Variants in GYG1 observed in about 807,000 individuals in gnomAD.
GYG1 encodes the protein glycogenin-1.
A neutral mutation model predicts 41.9 loss-of-function variants in GYG1; 44 were observed. The ratio of observed to expected loss-of-function variants is 1.05; its 90% CI spans 0.83 to 1.35. The LOEUF (loss-of-function observed/expected upper bound fraction) is 1.35, where lower values mean the gene tolerates loss of function less well. Among genes scored for constraint, GYG1 ranks in the 40% most tolerant of loss-of-function variants. The pLI is 0.00. For missense variants in GYG1, 429 were observed against 418.9 expected (o/e 1.02, Z -0.21); for synonymous variants, 141 against 158.1 (o/e 0.89, Z 0.81).
intron 4 of GYG1, among the ~76,000 whole-genome samples, chr3:149,007,803 C>T (rs956901131): frequency 2.6e-5 from 4 of 152,304 alleles, no homozygotes; most frequent in Admixed American, 2.0e-4. Context: ...CATACACACT[C>T]GCACATATGC....
chr3:149,023,567 T>C (rs1043298128), intron 5 of GYG1, among the ~76,000 whole-genome samples: 1 of 152,186 alleles, frequency 6.6e-6, no homozygotes, highest in Non-Finnish European at 1.5e-5. Flanking sequence ...CCACAATGGA[T>C]TGGTGCTTCA....
At chr3:149,005,166 A>G (rs1713319908) in intron 4 of GYG1, among the ~76,000 whole-genome samples, 1 of 152,164 alleles carries the variant, frequency 6.6e-6, no homozygotes, top group African/African-American at 2.4e-5. Flanking sequence ...TATCCTTTAT[A>G]ACCTACACAT....
chr3:149,008,465 A>G (rs1713533270), intron 4 of GYG1, among the ~76,000 whole-genome samples: 2 of 152,134 alleles, frequency 1.3e-5, no homozygotes, highest in Admixed American at 6.6e-5. Flanking sequence ...TCTGCCTGGG[A>G]CACGGTCCCC....
rs995357525 is a variant in GYG1, at chr3:149,012,047, A to G, written c.608+2645A>G. Among the ~76,000 whole-genome samples, 6 of 152,154 alleles carry G rather than the reference A, an allele frequency of 3.9e-5. 1 individual carries two copies. Among genetic ancestry groups the G allele is most frequent in the South Asian group, 4.1e-4 (2 of 4,822 alleles). ...TTTTCCCTTCCCTCTGCCAGAAAAT[A>G]TATTTGCTTTTCTTGTGGAGACCCA... On this transcript the variant is annotated intron_variant, in intron 5 of 7. Transcript: ENST00000345003.
chr3:148,991,691 T>G, intron 1 of GYG1, 44 bp downstream of exon 1: 3 of 1,446,092 alleles, frequency 2.1e-6, no homozygotes, highest in Non-Finnish European at 2.8e-6. Context: ...GGACCCCGGC[T>G]TCCTGCCCAG....
chr3:149,014,513 G>A (rs141705891), intron 5 of GYG1, among the ~76,000 whole-genome samples: 3,555 of 151,226 alleles, frequency 0.024, 61 homozygotes, highest in Middle Eastern at 0.045. Flanking sequence ...GGAGGCCAAG[G>A]AGGGTGGATC....
intron 4 of GYG1, chr3:149,008,338 C>T (rs933663476): frequency 2.6e-5 from 4 of 152,666 alleles, no homozygotes; most frequent in African/African-American, 9.6e-5. Flanking sequence ...CTGAGACTCA[C>T]CTGGTGCCAT....
rs542995078 is a variant in GYG1 at position 149,028,867 on chromosome 3, C to T, written c.*1934C>T. Among the ~76,000 whole-genome samples the T allele has an allele frequency of 5.6e-4, 85 of 152,046 alleles. No homozygotes were observed. The highest frequency in any genetic ancestry group is 1.9e-3 in the African/African-American group (77 of 41,488). Reference sequence around the variant, plus strand: ...TCCTGAGTAGCTGGGACTACAGGCACGCACCACCACGCCCAGCTAAATTTT... The same window carrying T: ...TCCTGAGTAGCTGGGACTACAGGCATGCACCACCACGCCCAGCTAAATTTT... On this transcript the variant is annotated 3_prime_UTR_variant, in exon 8 of 8. Coordinates refer to ENST00000345003, the MANE Select transcript of GYG1 (RefSeq NM_004130.4).
At chr3:149,008,012 G>C (rs1713499781) in intron 4 of GYG1, 1 of 152,228 alleles carries the variant, frequency 6.6e-6, no homozygotes, top group African/African-American at 2.4e-5. Flanking sequence ...TGAAGTCCAG[G>C]AGCCCCAAGG....
At chr3:149,001,242 T>G (rs1713079489) in intron 4 of GYG1, 1 of 152,208 alleles carries the variant, frequency 6.6e-6, no homozygotes, top group Admixed American at 6.5e-5. Flanking sequence ...AGCACTAGGC[T>G]GCCTGTTCTA....
chr3:149,015,351 A>G (rs1713962047), intron 5 of GYG1, among the ~76,000 whole-genome samples: 1 of 152,222 alleles, frequency 6.6e-6, no homozygotes, highest in South Asian at 2.1e-4. Flanking sequence ...TAGTCACGAG[A>G]CAAGATGATG....
chr3:148,992,321 CCTTCCGTG>C (rs1176173211), intron 1 of GYG1: 2 of 152,578 alleles, frequency 1.3e-5, no homozygotes, highest in African/African-American at 4.8e-5. Flanking sequence ...GTTAGCTGGT[CCTTCCGTG>C]TCATTGAGGC....
At chr3:148,996,193 A>G (rs550699868) in intron 2 of GYG1, 109 bp from the exon 3 acceptor site, 5 of 825,920 alleles carry the variant, frequency 6.1e-6, no homozygotes, top group East Asian at 4.8e-5. Context: ...AAAGCAATAC[A>G]TTGTTCTAGT....
Position 148,994,186 on chromosome 3 carries a change from G to C in GYG1, c.52G>C (p.Gly18Arg). Residue 18 changes from glycine (G) to arginine (R), a missense_variant, in exon 2 of 8, where the codon GGT (glycine) becomes CGT (arginine). Transcript: ENST00000345003. Reference protein sequence around the residue: ...TLTTNDAYAKGALVLGSSLKQ... With the variant: ...TLTTNDAYAKRALVLGSSLKQ... ...AACCACAAACGATGCCTACGCCAAA[G>C]GTGCCCTGGTCCTGGGATCATCTCT... 3 of 1,613,746 alleles carry C rather than the reference G, an allele frequency of 1.9e-6. No homozygotes were observed. The highest frequency in any genetic ancestry group is 2.5e-6 in the Non-Finnish European group (3 of 1,179,802).
In GYG1 at chr3:149,012,513, T is replaced by C. The variant is rs970236302; in HGVS notation, c.608+3111T>C. On this transcript the variant is annotated intron_variant, in intron 5 of 7. Coordinates refer to ENST00000345003, the MANE Select transcript of GYG1 (RefSeq NM_004130.4). Reference sequence around the variant, plus strand: ...TTAGAGTTTTGGATATCTAGAACTTTGTGGCCTTTGGTCTTACATGAAGCT... The same window carrying C: ...TTAGAGTTTTGGATATCTAGAACTTCGTGGCCTTTGGTCTTACATGAAGCT... Among the ~76,000 whole-genome samples the C allele has an allele frequency of 2.6e-5, 4 of 152,224 alleles. No individual in the cohort carries two copies. The East Asian group carries it at 7.7e-4, about 29-fold the overall frequency.
rs1192068568 is a variant in GYG1 at position 149,028,883 on chromosome 3, GCTAAATTTTGTAT to G, written c.*1951_*1963del. On this transcript the variant is annotated 3_prime_UTR_variant, in exon 8 of 8. Coordinates refer to ENST00000345003, the MANE Select transcript of GYG1 (RefSeq NM_004130.4). ...CTACAGGCACGCACCACCACGCCCA[GCTAAATTTTGTAT>G]TTTTAGTAGAGACAGGTTTCACCAT... 6.6e-6 allele frequency among the ~76,000 whole-genome samples: 1 copy of G among 151,844 alleles called. No homozygotes were observed. Among genetic ancestry groups the G allele is most frequent in the African/African-American group, 2.4e-5 (1 of 41,344 alleles).
chr3:148,997,092 C>CT (rs1171338570), intron 4 of GYG1, among the ~76,000 whole-genome samples, 188 bp downstream of exon 4: 22 of 149,244 alleles, frequency 1.5e-4, no homozygotes, highest in African/African-American at 5.3e-4. Context: ...GTAAATGCAT[C>CT]TTTTTCTATA....
At position 148,996,729 on chromosome 3, in the gene GYG1, C is replaced by CAAAAGA. The variant is rs1712816396; in HGVS notation, c.319-13_319-12insAAAAGA. On this transcript the variant is annotated splice_polypyrimidine_tract_variant and intron_variant, in intron 3 of 7. Coordinates refer to ENST00000345003, the MANE Select transcript of GYG1 (RefSeq NM_004130.4). ...AAAACATTTCTGTAATGCTCTTTCT[C>CAAAAGA]CCCTTTGATCAGGTCCTAGCAAATA... 1 of 1,610,714 alleles carries CAAAAGA rather than the reference C, an allele frequency of 6.2e-7. No individual in the cohort carries two copies. The highest frequency in any genetic ancestry group is 1.3e-5 in the African/African-American group (1 of 74,858).
At chr3:149,007,460 G>C (rs61234614) in intron 4 of GYG1, among the ~76,000 whole-genome samples, 2 of 152,180 alleles carry the variant, frequency 1.3e-5, no homozygotes, top group Non-Finnish European at 2.9e-5. Flanking sequence ...TTTAAGGAGG[G>C]GTTTCCTCAA....
Sources: allele counts gnomAD v4.1 joint callset (sites outside exome capture counted in the v4.1 genomes callset), GRCh38; gene constraint gnomAD v4.1.1; transcripts MANE v1.5; gene names NCBI Gene and HGNC (gene_info 2026-07-23, HGNC 2026-07-21).